The following GPLD1 variants were observed in gnomAD, a reference collection of about 807,000 sequenced individuals.
GPLD1 encodes glycosylphosphatidylinositol specific phospholipase D1.
GPLD1 carries 84 observed loss-of-function variants against 112.6 expected under a neutral mutation model. The ratio of observed to expected loss-of-function variants is 0.75; its 90% confidence interval spans 0.63 to 0.89. The LOEUF is 0.89. Among genes scored for constraint, GPLD1 ranks in the 40% least tolerant of loss-of-function variants. GPLD1 has a pLI of 0.00. For synonymous variants in GPLD1, 386 were observed against 403.8 expected, an observed-to-expected ratio of 0.96 and a Z score of 0.53; for missense variants, 1,044 against 1,051.5, an observed-to-expected ratio of 0.99 and a Z score of 0.10.
At position 24,447,805 on chromosome 6, in the gene GPLD1, C is replaced by T. The variant is rs1467811832; in HGVS notation, c.1678+72G>A. On this transcript the variant is annotated intron_variant, in intron 17 of 24. Coordinates refer to ENST00000230036, the MANE Select transcript of GPLD1 (RefSeq NM_001503.4). ...ATGGAATAAGGAAAAAGGATATAAA[C>T]CCCTATGCAGGATAAGTTGTCGTAG... 2.7e-5 allele frequency: 37 copies of T among 1,382,106 alleles called. No individual in the cohort carries two copies. The South Asian group carries it at 4.5e-4, about 17-fold the overall frequency. 85.6% of individuals were successfully genotyped at this position (1,382,106 alleles called of 1,614,324 possible). A position where few individuals can be genotyped will look rare whatever the true frequency, so the allele number is the denominator to read the frequency against.
At chr6:24,483,772 C>T (rs756426040) in intron 2 of GPLD1, among the ~76,000 whole-genome samples, 5 of 152,124 alleles carry the variant, frequency 3.3e-5, no homozygotes, top group Non-Finnish European at 7.4e-5. Context: ...TATGGAGAGT[C>T]TCGTTCTGTC....
chr6:24,482,863 T>G (rs1425564947), intron 2 of GPLD1, among the ~76,000 whole-genome samples: 1 of 151,936 alleles, frequency 6.6e-6, no homozygotes, highest in Non-Finnish European at 1.5e-5. Context: ...GAGGATCAAT[T>G]GAGTATAGGA....
At chr6:24,487,628 G>GAACT (rs1052084495) in intron 1 of GPLD1, among the ~76,000 whole-genome samples, 7 of 152,092 alleles carry the variant, frequency 4.6e-5, no homozygotes, top group African/African-American at 7.2e-5. Flanking sequence ...ACAGAACATA[G>GAACT]AACTGCAAGA....
chr6:24,475,056 G>A, intron 5 of GPLD1, 65 bp downstream of exon 5: 1 of 843,358 alleles, frequency 1.2e-6, no homozygotes, highest in Non-Finnish European at 2.1e-6. Flanking sequence ...AAACGGTCAG[G>A]TTTTGATCTT....
At chr6:24,437,866 G>T (rs1029025006) in intron 20 of GPLD1, among the ~76,000 whole-genome samples, 30 of 152,204 alleles carry the variant, frequency 2.0e-4, no homozygotes, top group South Asian at 2.1e-4. Context: ...TGGCTCAGGT[G>T]TCCCCTCCTC....
At chr6:24,465,882 T>C (rs998051480) in intron 10 of GPLD1, among the ~76,000 whole-genome samples, 10 of 152,242 alleles carry the variant, frequency 6.6e-5, no homozygotes, top group Admixed American at 5.2e-4. Flanking sequence ...CATGTAGCTA[T>C]AGCTCTATTT....
chr6:24,454,884 T>A (rs771335884), intron 13 of GPLD1, among the ~76,000 whole-genome samples: 47 of 152,124 alleles, frequency 3.1e-4, no homozygotes, highest in Non-Finnish European at 2.4e-4. Flanking sequence ...ATCCCAGCAC[T>A]TTGGGAGGCC....
At chr6:24,443,140 A>G (rs1762798980) in intron 20 of GPLD1, among the ~76,000 whole-genome samples, 2 of 152,268 alleles carry the variant, frequency 1.3e-5, no homozygotes, top group African/African-American at 4.8e-5. Context: ...ACTGCTTGAG[A>G]GCGTCATTAC....
intron 20 of GPLD1, among the ~76,000 whole-genome samples, chr6:24,440,373 G>T (rs541627294): frequency 2.8e-4 from 42 of 152,200 alleles, no homozygotes; most frequent in African/African-American, 9.2e-4. Flanking sequence ...GACCTCAGGT[G>T]TTCAAGGTAA....
At chr6:24,480,948 G>C (rs1490531611) in intron 2 of GPLD1, among the ~76,000 whole-genome samples, 2 of 152,224 alleles carry the variant, frequency 1.3e-5, no homozygotes, top group South Asian at 4.1e-4. Flanking sequence ...GGCTTCCCAC[G>C]TGTTTATGGG....
chr6:24,455,542 T>TA (rs1384764991), intron 13 of GPLD1, among the ~76,000 whole-genome samples: 11 of 152,350 alleles, frequency 7.2e-5, no homozygotes, highest in African/African-American at 2.6e-4. Flanking sequence ...TGTTTTATTT[T>TA]TTTATTTATT....
chr6:24,478,798 G>A (rs1003000431), intron 3 of GPLD1, among the ~76,000 whole-genome samples: 6 of 151,962 alleles, frequency 3.9e-5, no homozygotes, highest in Non-Finnish European at 7.4e-5. Flanking sequence ...TCCCTCCCTT[G>A]AACTATCTTT....
At chr6:24,433,484 CTTTTTTTTTT>C (rs58008688) in intron 22 of GPLD1, 95 bp from the exon 23 acceptor site, 9,227 of 435,058 alleles carry the variant, frequency 0.021, 33 homozygotes, top group Non-Finnish European at 0.025. Context: ...CTCATTTCTA[CTTTTTTTTTT>C]TTTTTTTTTT....
At chr6:24,451,391 A>G (rs1235862644) in intron 14 of GPLD1, among the ~76,000 whole-genome samples, 2 of 152,120 alleles carry the variant, frequency 1.3e-5, no homozygotes, top group Non-Finnish European at 2.9e-5. Flanking sequence ...TGCCCAGGCT[A>G]GAGTGCAATA....
intron 20 of GPLD1, among the ~76,000 whole-genome samples, chr6:24,438,624 G>T (rs1762651651): frequency 6.6e-6 from 1 of 152,190 alleles, no homozygotes; most frequent in Non-Finnish European, 1.5e-5. Flanking sequence ...ATAAGAAAGA[G>T]TATTTTAAAA....
chr6:24,441,078 G>A (rs188899147), intron 20 of GPLD1, among the ~76,000 whole-genome samples: 123 of 152,056 alleles, frequency 8.1e-4, no homozygotes, highest in Admixed American at 1.4e-3. Context: ...CGAGGCGGGC[G>A]GATCACCTGA....
At chr6:24,487,256 C>CA (rs1764407850) in intron 1 of GPLD1, among the ~76,000 whole-genome samples, 1 of 112,276 alleles carries the variant, frequency 8.9e-6, no homozygotes, top group Admixed American at 7.9e-5. Flanking sequence ...GCTGACCTTC[C>CA]ACTCAGGCCC....
intron 10 of GPLD1, among the ~76,000 whole-genome samples, chr6:24,464,416 G>C (rs1037960175): frequency 1.2e-4 from 18 of 152,168 alleles, no homozygotes; most frequent in African/African-American, 3.9e-4. Flanking sequence ...GGGGATTTTA[G>C]TTGAGGTTTA....
intron 3 of GPLD1, 104 bp downstream of exon 3, chr6:24,479,777 T>C: frequency 1.6e-6 from 1 of 615,796 alleles, no homozygotes. Flanking sequence ...TACTGTGCAA[T>C]TAAAAATATA....
Sources: gnomAD v4.1 joint callset for allele counts (sites outside exome capture counted in the v4.1 genomes callset) on GRCh38, gnomAD v4.1.1 for gene constraint, MANE v1.5 for transcripts, NCBI Gene and HGNC (gene_info 2026-07-23, HGNC 2026-07-21) for gene names.